The following MCTP1 variants were observed in gnomAD, a reference collection of about 807,000 sequenced individuals.
MCTP1 encodes multiple C2 and transmembrane domain-containing protein 1.
Under a neutral mutation model 120.6 loss-of-function variants are expected in MCTP1, and 69 were observed. The ratio of observed to expected loss-of-function variants is 0.57; its 90% CI spans 0.47 to 0.70. The LOEUF is 0.70. Among genes scored for constraint, MCTP1 ranks in the 30% least tolerant of loss-of-function variants. The pLI is 0.00. For missense variants in MCTP1, 1,203 were observed against 1,248.8 expected, an observed-to-expected ratio of 0.96 and a Z score of 0.55; for synonymous variants, 529 against 493.1, an observed-to-expected ratio of 1.07 and a Z score of -0.96.
At position 94,954,015 on chromosome 5, in the gene MCTP1, T is replaced by TATA. The variant is rs371772761; in HGVS notation, c.839-657_839-655dup. On this transcript the variant is annotated intron_variant, in intron 2 of 22. Transcript: ENST00000515393. ...ATATATATATGCATATATATACAAATATATATGCATATATATACAAATATA... is the reference window on the plus strand; with the variant it reads ...ATATATATATGCATATATATACAAATATAATATATGCATATATATACAAATATA... 4.3e-5 allele frequency among the ~76,000 whole-genome samples: 3 copies of TATA among 70,502 alleles called. 1 individual carries two copies. The highest frequency in any genetic ancestry group is 3.0e-4 in the East Asian group (1 of 3,312). The allele number at this position is 70,502 out of a possible 152,430, so 46.3% of individuals were successfully genotyped here.
intron 2 of MCTP1, among the ~76,000 whole-genome samples, chr5:95,015,500 T>C (rs1302930477): frequency 6.6e-6 from 1 of 152,186 alleles, no homozygotes; most frequent in Admixed American, 6.6e-5. Context: ...ATCTGTTATT[T>C]ACCTACATTC....
intron 2 of MCTP1, among the ~76,000 whole-genome samples, chr5:94,969,941 T>C (rs1038582467): frequency 3.9e-5 from 6 of 152,076 alleles, no homozygotes; most frequent in Admixed American, 3.9e-4. Context: ...TTCATAATGC[T>C]AAATAACTAA....
At chr5:94,819,576 C>T (rs1339885777) in intron 17 of MCTP1, among the ~76,000 whole-genome samples, 1 of 152,128 alleles carries the variant, frequency 6.6e-6, no homozygotes, top group Non-Finnish European at 1.5e-5. Context: ...CCAATCTTTG[C>T]AGAAGTGTTC....
intron 1 of MCTP1, among the ~76,000 whole-genome samples, chr5:95,170,885 T>C (rs1396651508): frequency 6.6e-6 from 1 of 152,250 alleles, no homozygotes; most frequent in Non-Finnish European, 1.5e-5. Flanking sequence ...CTGTGTCTTT[T>C]AATTGGAGCA....
chr5:94,762,977 C>T (rs1771683641), intron 19 of MCTP1, among the ~76,000 whole-genome samples: 1 of 152,164 alleles, frequency 6.6e-6, no homozygotes, highest in Admixed American at 6.5e-5. Context: ...ACAAATATAT[C>T]TCAGCTAGAT....
chr5:94,816,300 G>A (rs1042833507), intron 17 of MCTP1, among the ~76,000 whole-genome samples: 2 of 152,076 alleles, frequency 1.3e-5, no homozygotes, highest in Admixed American at 1.3e-4. Flanking sequence ...CCCATGGGAA[G>A]TGTGTATCCA....
chr5:94,844,422 G>C (rs1791862357), intron 17 of MCTP1, among the ~76,000 whole-genome samples: 1 of 152,018 alleles, frequency 6.6e-6, no homozygotes, highest in Non-Finnish European at 1.5e-5. Flanking sequence ...TTAAAAGAAG[G>C]AGTTGGAGAG....
intron 1 of MCTP1, among the ~76,000 whole-genome samples, chr5:95,206,229 A>C (rs1751599498): frequency 1.3e-5 from 2 of 152,348 alleles, no homozygotes; most frequent in South Asian, 4.1e-4. Flanking sequence ...TATAACATAG[A>C]TGAACCCTGA....
At chr5:94,880,788 T>C (rs981696400) in intron 12 of MCTP1, among the ~76,000 whole-genome samples, 2 of 152,160 alleles carry the variant, frequency 1.3e-5, no homozygotes, top group Non-Finnish European at 2.9e-5. Flanking sequence ...TGTTGGCAAA[T>C]GTAATTTGTG....
chr5:94,970,950 C>G (rs745323509), intron 2 of MCTP1, among the ~76,000 whole-genome samples: 6 of 151,318 alleles, frequency 4.0e-5, no homozygotes. Flanking sequence ...GGCTTTTCTT[C>G]GTTTTCAGCC....
chr5:95,120,526 C>T (rs1450430823), intron 1 of MCTP1, among the ~76,000 whole-genome samples: 2 of 152,128 alleles, frequency 1.3e-5, no homozygotes, highest in Non-Finnish European at 2.9e-5. Context: ...AAGGATGGTA[C>T]CACATATGCA....
chr5:94,796,105 T>C (rs912632622), intron 18 of MCTP1, among the ~76,000 whole-genome samples: 5 of 152,240 alleles, frequency 3.3e-5, no homozygotes, highest in African/African-American at 1.2e-4. Flanking sequence ...TCTATGCATT[T>C]TTCATCTTTC....
rs1418374891 is a variant in MCTP1 at position 94,705,524 on chromosome 5, G to C, written c.*1972C>G. 1 of 120,228 alleles carries C rather than the reference G, an allele frequency of 8.3e-6. No individual in the cohort carries two copies. The highest frequency in any genetic ancestry group is 8.0e-5 in the Admixed American group (1 of 12,562). 7.4% of individuals were successfully genotyped at this position (120,228 alleles called of 1,614,324 possible). A position where few individuals can be genotyped will look rare whatever the true frequency, so the allele number is the denominator to read the frequency against. On this transcript the variant is annotated 3_prime_UTR_variant, in exon 23 of 23. Coordinates refer to ENST00000515393, the MANE Select transcript of MCTP1 (RefSeq NM_024717.7). Reference sequence around the variant, plus strand: ...TGAACCACCAAAAAAAAAAAAAAAAGGAGTGCTGATTATACGTGGGAAAGA... The same window carrying C: ...TGAACCACCAAAAAAAAAAAAAAAACGAGTGCTGATTATACGTGGGAAAGA...
At chr5:94,909,123 T>C (rs1455721665) in intron 10 of MCTP1, 128 bp downstream of exon 10, 2 of 1,134,850 alleles carry the variant, frequency 1.8e-6, no homozygotes, top group African/African-American at 1.6e-5. Context: ...CATCCAAGCA[T>C]TGCCTTACCA....
intron 1 of MCTP1, among the ~76,000 whole-genome samples, chr5:95,062,880 T>C (rs143959314): frequency 4.8e-4 from 73 of 152,236 alleles, no homozygotes; most frequent in African/African-American, 1.7e-3. Flanking sequence ...TGCAGTGGCA[T>C]GATCATAGCT....
chr5:95,168,116 C>T (rs1218767249), intron 1 of MCTP1, among the ~76,000 whole-genome samples: 4 of 152,190 alleles, frequency 2.6e-5, no homozygotes, highest in African/African-American at 7.2e-5. Context: ...CTACATATGG[C>T]TAGCCAGTTT....
chr5:95,005,475 A>G (rs936054517), intron 2 of MCTP1, among the ~76,000 whole-genome samples: 4 of 152,212 alleles, frequency 2.6e-5, no homozygotes, highest in African/African-American at 4.8e-5. Flanking sequence ...CCCCACCCCA[A>G]TCTCATGTCA....
intron 1 of MCTP1, chr5:95,166,187 G>C (rs1380032849): frequency 1.3e-5 from 2 of 152,144 alleles, no homozygotes; most frequent in African/African-American, 2.4e-5. Context: ...CTCGAGACCT[G>C]GCTTTTTGCA....
intron 3 of MCTP1, among the ~76,000 whole-genome samples, chr5:94,952,607 G>T (rs1377747380): frequency 2.0e-5 from 3 of 152,150 alleles, no homozygotes; most frequent in Non-Finnish European, 2.9e-5. Context: ...AGTACCTAGA[G>T]ATGTAAATTA....
Sources: gnomAD v4.1 joint callset for allele counts (sites outside exome capture counted in the v4.1 genomes callset) on GRCh38, gnomAD v4.1.1 for gene constraint, MANE v1.5 for transcripts, NCBI Gene and HGNC (gene_info 2026-07-23, HGNC 2026-07-21) for gene names.